PDIA5: variants seen among roughly 807,000 people sequenced by gnomAD.
The protein encoded by PDIA5 is protein disulfide-isomerase A5.
Under a neutral mutation model 77.6 loss-of-function variants are expected in PDIA5, and 58 were observed. The observed-to-expected ratio is 0.75, with a 90% CI of 0.61 to 0.93. PDIA5 has a LOEUF of 0.93. Ranked by LOEUF, PDIA5 falls within the 40% of genes least tolerant of loss-of-function variation. The pLI is 0.00. For synonymous variants in PDIA5, 250 were observed against 252.1 expected, an observed-to-expected ratio of 0.99 and a Z score of 0.08; for missense variants, 630 against 647.7, an observed-to-expected ratio of 0.97 and a Z score of 0.30.
At chr3:123,138,356 G>C (rs768216672) in intron 11 of PDIA5, among the ~76,000 whole-genome samples, 1 of 151,582 alleles carries the variant, frequency 6.6e-6, no homozygotes, top group Non-Finnish European at 1.5e-5. Context: ...TTTTTTGTAC[G>C]TGCTTTTTGT....
chr3:123,106,870 A>G (rs768795163), intron 6 of PDIA5, 29 bp downstream of exon 6: 2 of 1,482,532 alleles, frequency 1.3e-6, no homozygotes, highest in Non-Finnish European at 9.4e-7. Flanking sequence ...GTTCTGATGG[A>G]TGCTGGAAGC....
At chr3:123,161,668 G>A in intron 16 of PDIA5, 1 of 653,580 alleles carries the variant, frequency 1.5e-6, no homozygotes. Flanking sequence ...GTCCCCAGAG[G>A]CAGGCTGGAC....
At chr3:123,105,227 G>A (rs946481156) in intron 5 of PDIA5, among the ~76,000 whole-genome samples, 1 of 152,164 alleles carries the variant, frequency 6.6e-6, no homozygotes, top group African/African-American at 2.4e-5. Context: ...ACAAATCAAA[G>A]TCAATGTTTT....
At chr3:123,074,929 T>A (rs1347044687) in intron 1 of PDIA5, among the ~76,000 whole-genome samples, 2 of 152,192 alleles carry the variant, frequency 1.3e-5, no homozygotes, top group Non-Finnish European at 2.9e-5. Context: ...AGAAACCACC[T>A]AAGGACCAGC....
intron 16 of PDIA5, 142 bp downstream of exon 16, chr3:123,161,597 G>C: frequency 1.1e-6 from 1 of 915,676 alleles, no homozygotes; most frequent in Non-Finnish European, 1.6e-6. Context: ...CCCAGGCCCT[G>C]GGCCTGGCTG....
At chr3:123,140,141 T>C (rs140763431) in intron 11 of PDIA5, among the ~76,000 whole-genome samples, 83 of 152,172 alleles carry the variant, frequency 5.5e-4, no homozygotes, top group Non-Finnish European at 9.7e-4. Context: ...TTGGTATGTA[T>C]GCTCCAGGTG....
At chr3:123,136,424 C>T (rs567749075) in intron 11 of PDIA5, among the ~76,000 whole-genome samples, 19 of 152,260 alleles carry the variant, frequency 1.2e-4, no homozygotes, top group African/African-American at 2.2e-4. Context: ...CTTCTCCTTC[C>T]GCAGTGCTTC....
At chr3:123,076,067 G>A (rs1460331575) in intron 1 of PDIA5, among the ~76,000 whole-genome samples, 1 of 152,144 alleles carries the variant, frequency 6.6e-6, no homozygotes, top group African/African-American at 2.4e-5. Flanking sequence ...GGATCAGGTT[G>A]TCATTGTAGC....
At chr3:123,101,364 T>G (rs913852347) in intron 3 of PDIA5, among the ~76,000 whole-genome samples, 1 of 152,146 alleles carries the variant, frequency 6.6e-6, no homozygotes, top group Non-Finnish European at 1.5e-5. Flanking sequence ...GACCACACAT[T>G]GAAATCCATT....
At chr3:123,135,310 G>A (rs1457986634) in intron 11 of PDIA5, among the ~76,000 whole-genome samples, 2 of 152,122 alleles carry the variant, frequency 1.3e-5, no homozygotes, top group South Asian at 2.1e-4. Context: ...TCCCAGAGAG[G>A]GGTGTTCCTG....
At chr3:123,104,638 G>A (rs1414235054) in intron 5 of PDIA5, among the ~76,000 whole-genome samples, 1 of 152,246 alleles carries the variant, frequency 6.6e-6, no homozygotes, top group Non-Finnish European at 1.5e-5. Context: ...ACTCGAAGTG[G>A]GGAATGTCCC....
chr3:123,089,987 A>G (rs1398558423), intron 2 of PDIA5, among the ~76,000 whole-genome samples: 2 of 152,176 alleles, frequency 1.3e-5, no homozygotes, highest in African/African-American at 4.8e-5. Flanking sequence ...AGCAGAGTTA[A>G]GTGTTTTTTG....
rs1053893094 is a variant in PDIA5 at position 123,161,244 on chromosome 3, ATGTGCAATCTGTGT to A, written c.1345-72_1345-59del. The stretch of plus-strand genomic sequence containing the variant: ...AGAGTGGGCCTGTGACGTGGACTAG[ATGTGCAATCTGTGT>A]TGTGGGGTCCAGGCCTCAGCCTGGG... On this transcript the variant is annotated intron_variant, in intron 15 of 16. Coordinates refer to ENST00000316218, the MANE Select transcript of PDIA5 (RefSeq NM_006810.4). 43 of 1,466,442 alleles carry A rather than the reference ATGTGCAATCTGTGT, an allele frequency of 2.9e-5. No homozygotes were observed. In the African/African-American group the frequency reaches 4.9e-4, roughly 17 times the overall value. 90.8% of individuals were successfully genotyped at this position (1,466,442 alleles called of 1,614,324 possible).
Position 123,146,212 on chromosome 3 carries a change from A to C in PDIA5, c.1095A>C (p.Ala365=). 6.2e-7 allele frequency: 1 copy of C among 1,614,092 alleles called. No homozygotes were observed. The highest frequency in any genetic ancestry group is 8.5e-7 in the Non-Finnish European group (1 of 1,179,906). ...ATTTTAAGAATGGAGAGAAATACGC[A>C]GTGCCTGTGCTCAGGACAAAGAAGA... ...LKYFKNGEKY[A]VPVLRTKKKF... is the part of the protein sequence containing the mutation. The change falls in exon 13 of 17, where the codon GCA becomes GCC. Residue 365 remains alanine (A), a synonymous_variant. Coordinates refer to ENST00000316218, the MANE Select transcript of PDIA5 (RefSeq NM_006810.4).
intron 9 of PDIA5, 42 bp downstream of exon 9, chr3:123,124,199 G>A: frequency 6.3e-7 from 1 of 1,584,086 alleles, no homozygotes. Context: ...CTCCCTCCCT[G>A]GTGATTGACC....
intron 15 of PDIA5, among the ~76,000 whole-genome samples, chr3:123,159,154 C>T (rs544118237): frequency 2.2e-4 from 34 of 152,374 alleles, no homozygotes; most frequent in Non-Finnish European, 2.5e-4. Context: ...GGGAGAGCAG[C>T]AGCCCAGAGC....
chr3:123,116,326 G>A, intron 8 of PDIA5, 28 bp downstream of exon 8: 1 of 1,597,138 alleles, frequency 6.3e-7, no homozygotes, highest in South Asian at 1.1e-5. Context: ...GCCTGGCAGG[G>A]CTGGGTCACT....
At chr3:123,112,534 CTTTTTTTTTTTTTT>C (rs55977938) in intron 7 of PDIA5, among the ~76,000 whole-genome samples, 15 of 61,480 alleles carry the variant, frequency 2.4e-4, no homozygotes, top group Non-Finnish European at 3.9e-4. Flanking sequence ...CAGCCCTATT[CTTTTTTTTTTTTTT>C]TTTTTTTTTT....
At chr3:123,157,935 C>T (rs962408071) in intron 15 of PDIA5, among the ~76,000 whole-genome samples, 2 of 152,152 alleles carry the variant, frequency 1.3e-5, no homozygotes, top group African/African-American at 4.8e-5. Flanking sequence ...GGTGTGGGGC[C>T]AGGTGTGAAG....
Sources: allele counts gnomAD v4.1 joint callset (sites outside exome capture counted in the v4.1 genomes callset), GRCh38; gene constraint gnomAD v4.1.1; transcripts MANE v1.5; gene names NCBI Gene and HGNC (gene_info 2026-07-23, HGNC 2026-07-21).